MUC20: variants seen among roughly 807,000 people sequenced by gnomAD.
The protein encoded by MUC20 is mucin-20.
MUC20 carries 14 observed loss-of-function variants against 23.8 expected under a neutral mutation model. That is an observed-to-expected ratio of 0.59 (90% CI 0.39 to 0.92). The LOEUF (loss-of-function observed/expected upper bound fraction) is 0.92, where lower values mean the gene tolerates loss of function less well. MUC20 is among the 40% of genes least tolerant of loss of function. The pLI, the probability that MUC20 is intolerant of heterozygous loss-of-function variation, is 0.00. For synonymous variants in MUC20, 166 were observed against 279.3 expected, an observed-to-expected ratio of 0.59 and a Z score of 4.04; for missense variants, 375 against 668.8, an observed-to-expected ratio of 0.56 and a Z score of 4.85.
At position 195,733,360 on chromosome 3, in the gene MUC20, C is replaced by A; in HGVS notation, c.*142C>A. 6.7e-7 allele frequency: 1 copy of A among 1,493,182 alleles called. No homozygotes were observed. Among genetic ancestry groups the A allele is most frequent in the Non-Finnish European group, 8.9e-7 (1 of 1,119,406 alleles). The allele number at this position is 1,493,182 out of a possible 1,614,324, so 92.5% of individuals were successfully genotyped here. On this transcript the variant is annotated 3_prime_UTR_variant, in exon 4 of 4. Transcript: ENST00000447234. ...TCCCATGAAGGGCAGCATGTCCAAG[C>A]CCCTGACCCCAGATGTGGCAACAGG...
intron 2 of MUC20, among the ~76,000 whole-genome samples, chr3:195,727,712 C>T (rs1712846731): frequency 1.3e-5 from 2 of 152,298 alleles, no homozygotes; most frequent in Admixed American, 1.3e-4. Flanking sequence ...GCACTGGCCC[C>T]AGCAGAACGT....
chr3:195,729,636 CT>C lies in MUC20; in HGVS notation c.1970-11del. On this transcript the variant is annotated splice_polypyrimidine_tract_variant and intron_variant, in intron 2 of 3. Transcript: ENST00000447234. ...CAGCCCTGATTTTCATCTTACTGTTCTCCATTTGCAGGTGAAAATGGAGGTT... is the reference window on the plus strand; with the variant it reads ...CAGCCCTGATTTTCATCTTACTGTTCCCATTTGCAGGTGAAAATGGAGGTT... 1 of 1,567,344 alleles carries C rather than the reference CT, an allele frequency of 6.4e-7. No individual in the cohort carries two copies. The highest frequency in any genetic ancestry group is 2.3e-5 in the East Asian group (1 of 42,572).
chr3:195,729,497 GT>G, intron 2 of MUC20, 150 bp from the exon 3 acceptor site: 1 of 732,374 alleles, frequency 1.4e-6, no homozygotes, highest in Non-Finnish European at 2.2e-6. Flanking sequence ...TGTGTTTTTA[GT>G]AAAGACGGGA....
In MUC20 at chr3:195,721,093, C is replaced by A. The variant is rs370150936; in HGVS notation, c.76+10C>A. The A allele has an allele frequency of 5.1e-3, 7,972 of 1,559,030 alleles. 8 individuals are homozygous for A. The African/African-American group carries it at 0.11, about 21-fold the overall frequency. On this transcript the variant is annotated intron_variant, in intron 1 of 3. Coordinates refer to ENST00000447234, the MANE Select transcript of MUC20 (RefSeq NM_001282506.2). ...TCTGGGAGCTCTGCAGGTAAGGAGGCCTAGAAGGGCCTGGTGGGCCTCTCC... is the reference window on the plus strand; with the variant it reads ...TCTGGGAGCTCTGCAGGTAAGGAGGACTAGAAGGGCCTGGTGGGCCTCTCC...
intron 3 of MUC20, among the ~76,000 whole-genome samples, chr3:195,731,804 C>G (rs1476597824): frequency 6.6e-6 from 1 of 152,252 alleles, no homozygotes; most frequent in Non-Finnish European, 1.5e-5. Flanking sequence ...ATGTCTGTGT[C>G]CTTGGAGTTC....
chr3:195,727,787 C>T (rs1712855641), intron 2 of MUC20, among the ~76,000 whole-genome samples: 1 of 152,108 alleles, frequency 6.6e-6, no homozygotes, highest in Admixed American at 6.5e-5. Context: ...GGCAGTGTGC[C>T]ACCGGCTTTG....
At chr3:195,732,741 A>G (rs1713527500) in intron 3 of MUC20, among the ~76,000 whole-genome samples, 1 of 152,230 alleles carries the variant, frequency 6.6e-6, no homozygotes, top group South Asian at 2.1e-4. Context: ...CGAGATCAGG[A>G]GCAGGTCAAG....
At chr3:195,729,997 C>T (rs1365884953) in intron 3 of MUC20, 1 of 480,328 alleles carries the variant, frequency 2.1e-6, no homozygotes, top group East Asian at 3.6e-5. Context: ...TCCTTGGAAG[C>T]TTGGCCTTCT....
At position 195,726,099 on chromosome 3, in the gene MUC20, C is replaced by G; in HGVS notation, c.1496C>G (p.Pro499Arg). The part of the protein sequence containing the change: ...SAAPDATVGT[P>R]LPTNSATERE... ...GCACCTGATGCCACGGTTGGGACCC[C>G]ACTCCCCACTAACAGCGCCACAGAA... The change falls in exon 2 of 4, where the codon CCA becomes CGA. Residue 499 changes from proline (P) to arginine (R), a missense_variant. Transcript: ENST00000447234. The G allele has an allele frequency of 6.2e-7, 1 of 1,610,472 alleles. No individual in the cohort carries two copies. The highest frequency in any genetic ancestry group is 8.5e-7 in the Non-Finnish European group (1 of 1,177,042).
At position 195,733,174 on chromosome 3, in the gene MUC20, G is replaced by T. The variant is rs202056744; in HGVS notation, c.2086G>T (p.Ala696Ser). Reference sequence around the variant, plus strand: ...GCTCCACCGGGAACTCCACGCCCACGCGCCTCACTTCCAGGTCTCCTTACT... The same window carrying T: ...GCTCCACCGGGAACTCCACGCCCACTCGCCTCACTTCCAGGTCTCCTTACT... ...QQLHRELHAH[A>S]PHFQVSLLRV... Residue 696 changes from alanine to serine, a missense_variant, in exon 4 of 4, where the codon GCG (alanine) becomes TCG (serine). This residue lies in a region of MUC20 where 343 missense variants were observed against 340.2 expected (regional missense o/e 1.01). Transcript: ENST00000447234. 1 of 1,595,112 alleles carries T rather than the reference G, an allele frequency of 6.3e-7. No homozygotes were observed. Among genetic ancestry groups the T allele is most frequent in the African/African-American group, 1.3e-5 (1 of 74,724 alleles).
intron 2 of MUC20, 110 bp from the exon 3 acceptor site, chr3:195,729,538 A>G (rs1355434550): frequency 9.6e-7 from 1 of 1,043,580 alleles, no homozygotes; most frequent in Admixed American, 2.1e-5. Context: ...CTGGTCTCAA[A>G]CTCCCGATCT....
Position 195,726,404 on chromosome 3 carries a change from C to G in MUC20, c.1801C>G (p.Pro601Ala). Residue 601 changes from proline to alanine, a missense_variant, in exon 2 of 4, where the codon CCC becomes GCC. By Grantham distance (27) the Pro-to-Ala change is conservative (BLOSUM62 -1). Transcript: ENST00000447234. Reference sequence around the variant, plus strand: ...GGACATCGCAACCAAGGGGCCCTTCCCCACCAGCAGGGACCCTCTTCCTTC... The same window carrying G: ...GGACATCGCAACCAAGGGGCCCTTCGCCACCAGCAGGGACCCTCTTCCTTC... Reference protein sequence around the residue: ...TMDIATKGPFPTSRDPLPSVP... With the variant: ...TMDIATKGPFATSRDPLPSVP... The G allele has an allele frequency of 6.2e-7, 1 of 1,614,090 alleles. No homozygotes were observed. Among genetic ancestry groups the G allele is most frequent in the Non-Finnish European group, 8.5e-7 (1 of 1,179,910 alleles).
intron 3 of MUC20, among the ~76,000 whole-genome samples, chr3:195,732,092 C>T (rs1416358731): frequency 6.6e-6 from 1 of 152,240 alleles, no homozygotes; most frequent in African/African-American, 2.4e-5. Flanking sequence ...CAACCTCCGC[C>T]TCCCAGGTTC....
chr3:195,726,079 T>A lies in MUC20; in HGVS notation c.1476T>A (p.Pro492=). Residue 492 remains proline, a synonymous_variant, in exon 2 of 4, where the codon CCT becomes CCA. Coordinates refer to ENST00000447234, the MANE Select transcript of MUC20 (RefSeq NM_001282506.2). ...STAGTTESAA[P]DATVGTPLPT... is the part of the protein sequence containing the mutation. ...CCGGCACCACAGAGTCAGCTGCACC[T>A]GATGCCACGGTTGGGACCCCACTCC... is the stretch of plus-strand genomic sequence containing the variant. 3.1e-6 allele frequency: 5 copies of A among 1,612,914 alleles called. No individual in the cohort carries two copies. The highest frequency in any genetic ancestry group is 4.2e-6 in the Non-Finnish European group (5 of 1,179,056).
At chr3:195,723,076 G>C (rs1205728785) in intron 1 of MUC20, among the ~76,000 whole-genome samples, 1 of 151,378 alleles carries the variant, frequency 6.6e-6, no homozygotes, top group Non-Finnish European at 1.5e-5. Context: ...GTTTTCTCAG[G>C]TGAGGACATG....
At chr3:195,722,897 G>C in intron 1 of MUC20, 1 of 869,236 alleles carries the variant, frequency 1.2e-6, no homozygotes, top group Non-Finnish European at 1.4e-6. Context: ...TACTGCCTGG[G>C]GGTGCAGCCC....
intron 3 of MUC20, among the ~76,000 whole-genome samples, chr3:195,731,143 G>T (rs753388536): frequency 1.3e-5 from 2 of 152,228 alleles, no homozygotes; most frequent in Non-Finnish European, 2.9e-5. Flanking sequence ...AATACCTGAA[G>T]CTTGCATTCA....
intron 2 of MUC20, among the ~76,000 whole-genome samples, chr3:195,727,720 C>T (rs991950485): frequency 7.2e-5 from 11 of 152,400 alleles, no homozygotes; most frequent in Non-Finnish European, 1.2e-4. Flanking sequence ...CCCAGCAGAA[C>T]GTTCTCTCCG....
chr3:195,726,139 A>T lies in MUC20; in HGVS notation c.1536A>T (p.Ala512=). The change falls in exon 2 of 4, where the codon GCA becomes GCT. Residue 512 remains alanine (A), a synonymous_variant. Coordinates refer to ENST00000447234, the MANE Select transcript of MUC20 (RefSeq NM_001282506.2). ...GCGCCACAGAAAGAGAAGTGACAGCACCCGGGGCCACGACCCTCAGTGGAG... is the reference window on the plus strand; with the variant it reads ...GCGCCACAGAAAGAGAAGTGACAGCTCCCGGGGCCACGACCCTCAGTGGAG... ...TNSATEREVT[A]PGATTLSGAL... The T allele has an allele frequency of 6.2e-7, 1 of 1,608,450 alleles. No homozygotes were observed. Among genetic ancestry groups the T allele is most frequent in the Non-Finnish European group, 8.5e-7 (1 of 1,175,850 alleles).
Sources: allele counts gnomAD v4.1 joint callset (sites outside exome capture counted in the v4.1 genomes callset), GRCh38; gene constraint gnomAD v4.1.1; regional missense constraint gnomAD v4.1.1; transcripts MANE v1.5; gene names NCBI Gene and HGNC (gene_info 2026-07-23, HGNC 2026-07-21).